Variants in SSH2 observed in about 807,000 individuals in gnomAD.
The protein encoded by SSH2 is slingshot protein phosphatase 2.
In SSH2, 37 loss-of-function variants were observed where a neutral mutation model predicts 135.2. The ratio of observed to expected loss-of-function variants is 0.27; its 90% confidence interval spans 0.21 to 0.36. SSH2 has a LOEUF of 0.36. SSH2 is among the 10% of genes least tolerant of loss of function. The probability of loss-of-function intolerance (pLI) is 1.00; values close to 1 mark genes in which losing one functional copy is unlikely to be tolerated. For missense variants in SSH2, 1,408 were observed against 1,765.3 expected, an observed-to-expected ratio of 0.80 and a Z score of 3.63; for synonymous variants, 628 against 646.2, an observed-to-expected ratio of 0.97 and a Z score of 0.43.
At chr17:29,708,764 G>A (rs191536138) in intron 3 of SSH2, among the ~76,000 whole-genome samples, 4 of 151,354 alleles carry the variant, frequency 2.6e-5, no homozygotes, top group African/African-American at 2.4e-5. Context: ...ATATAACCCC[G>A]AAGGACTTAA....
At chr17:29,854,948 A>ACAAC (rs2065635459) in intron 1 of SSH2, among the ~76,000 whole-genome samples, 1 of 152,088 alleles carries the variant, frequency 6.6e-6, no homozygotes, top group Non-Finnish European at 1.5e-5. Context: ...CTCCATCTAA[A>ACAAC]AAACAAACAA....
intron 13 of SSH2, among the ~76,000 whole-genome samples, chr17:29,649,486 G>A (rs561904712): frequency 1.1e-4 from 17 of 151,652 alleles, no homozygotes; most frequent in South Asian, 2.1e-4. Flanking sequence ...GGGCTCAAGC[G>A]ATCCTCCCAC....
At chr17:29,677,994 T>C (rs556896094) in intron 6 of SSH2, among the ~76,000 whole-genome samples, 1 of 152,312 alleles carries the variant, frequency 6.6e-6, no homozygotes, top group African/African-American at 2.4e-5. Flanking sequence ...TACATTGTCA[T>C]CTTGCAAATG....
chr17:29,912,685 C>A (rs1246146956), intron 1 of SSH2, among the ~76,000 whole-genome samples: 1 of 152,138 alleles, frequency 6.6e-6, no homozygotes, highest in African/African-American at 2.4e-5. Flanking sequence ...GAGCTACGAT[C>A]TTGCCACTAC....
intron 2 of SSH2, among the ~76,000 whole-genome samples, chr17:29,801,864 G>C (rs2151314482): frequency 6.6e-6 from 1 of 152,286 alleles, no homozygotes; most frequent in South Asian, 2.1e-4. Flanking sequence ...TGCTAGTAAG[G>C]ACTCTATGCC....
At chr17:29,751,494 A>T (rs895826878) in intron 3 of SSH2, among the ~76,000 whole-genome samples, 1 of 152,190 alleles carries the variant, frequency 6.6e-6, no homozygotes, top group African/African-American at 2.4e-5. Context: ...TAAATACATA[A>T]ACCAGCAACG....
chr17:29,777,202 A>C (rs1377406853), intron 3 of SSH2, among the ~76,000 whole-genome samples: 1 of 151,932 alleles, frequency 6.6e-6, no homozygotes, highest in Non-Finnish European at 1.5e-5. Context: ...ACAGAGTAAA[A>C]GAGCCAGACT....
rs1597537137 is a variant in SSH2 at position 29,930,191 on chromosome 17, G to A, written c.-191C>T. ...CTGTCGCCGACTGACGCTCCGAACGGGCGGCGGGCGGGCGGTTCCGCAGCT... is the reference window on the plus strand; with the variant it reads ...CTGTCGCCGACTGACGCTCCGAACGAGCGGCGGGCGGGCGGTTCCGCAGCT... On this transcript the variant is annotated 5_prime_UTR_variant, in exon 1 of 16. Coordinates refer to ENST00000540801, the MANE Select transcript of SSH2 (RefSeq NM_001282129.2). The A allele has an allele frequency of 8.7e-6, 5 of 577,538 alleles. No individual in the cohort carries two copies. The East Asian group carries it at 1.2e-4, about 14-fold the overall frequency. The allele number at this position is 577,538 out of a possible 1,614,324, so 35.8% of individuals were successfully genotyped here.
chr17:29,883,491 A>G (rs1397842845), intron 1 of SSH2, among the ~76,000 whole-genome samples: 2 of 152,242 alleles, frequency 1.3e-5, no homozygotes, highest in Non-Finnish European at 2.9e-5. Flanking sequence ...ATACTATAAT[A>G]TCTAAATATA....
intron 3 of SSH2, among the ~76,000 whole-genome samples, chr17:29,768,669 T>C (rs868063343): frequency 3.3e-5 from 5 of 152,212 alleles, no homozygotes; most frequent in African/African-American, 1.2e-4. Context: ...TATTGGAGCT[T>C]TTCTATAAAT....
chr17:29,696,620 TATAC>T (rs147136502), intron 4 of SSH2, among the ~76,000 whole-genome samples: 57,620 of 135,018 alleles, frequency 0.43, 13,173 homozygotes, highest in East Asian at 0.65. Context: ...TACATATATA[TATAC>T]ACACACACAC....
chr17:29,886,726 G>A (rs185095604), intron 1 of SSH2, among the ~76,000 whole-genome samples: 43 of 140,060 alleles, frequency 3.1e-4, no homozygotes, highest in Non-Finnish European at 5.0e-4. Context: ...CAGCCTGGGC[G>A]ACAGAGAAAG....
At chr17:29,756,115 G>GA (rs1271421791) in intron 3 of SSH2, among the ~76,000 whole-genome samples, 2 of 151,128 alleles carry the variant, frequency 1.3e-5, no homozygotes, top group Admixed American at 6.6e-5. Context: ...AAAAAAGAAA[G>GA]AAAAAAAATT....
chr17:29,687,745 T>A (rs1411188571), intron 5 of SSH2, among the ~76,000 whole-genome samples: 1 of 152,180 alleles, frequency 6.6e-6, no homozygotes, highest in Non-Finnish European at 1.5e-5. Flanking sequence ...CCTGAATGTG[T>A]TAGAGGCTCT....
chr17:29,782,138 G>A (rs1164646659), intron 3 of SSH2, among the ~76,000 whole-genome samples: 1 of 152,120 alleles, frequency 6.6e-6, no homozygotes, highest in Admixed American at 6.5e-5. Flanking sequence ...GAGCCACCAT[G>A]CCGGCCCTAT....
chr17:29,752,346 G>C (rs917789211), intron 3 of SSH2, among the ~76,000 whole-genome samples: 2 of 152,174 alleles, frequency 1.3e-5, no homozygotes, highest in African/African-American at 4.8e-5. Flanking sequence ...AACATGAACA[G>C]AACTTAAGAG....
intron 2 of SSH2, among the ~76,000 whole-genome samples, chr17:29,847,513 A>G (rs1255912157): frequency 6.6e-6 from 1 of 152,176 alleles, no homozygotes; most frequent in Non-Finnish European, 1.5e-5. Flanking sequence ...AATAGGAGAC[A>G]GTTATCTAAA....
intron 1 of SSH2, among the ~76,000 whole-genome samples, chr17:29,922,472 T>C (rs2066992789): frequency 6.6e-6 from 1 of 152,240 alleles, no homozygotes; most frequent in African/African-American, 2.4e-5. Context: ...AATTGGATTG[T>C]ATACTTATTA....
At chr17:29,695,684 A>C (rs559529220) in intron 4 of SSH2, among the ~76,000 whole-genome samples, 161 bp from the exon 5 acceptor site, 1 of 152,376 alleles carries the variant, frequency 6.6e-6, no homozygotes, top group South Asian at 2.1e-4. Flanking sequence ...TTTAAAATGG[A>C]AAGACAGACT....
Sources: allele counts gnomAD v4.1 joint callset (sites outside exome capture counted in the v4.1 genomes callset), GRCh38; gene constraint gnomAD v4.1.1; transcripts MANE v1.5; gene names NCBI Gene and HGNC (gene_info 2026-07-23, HGNC 2026-07-21).